COL24A1: variants seen among roughly 807,000 people sequenced by gnomAD.
The protein encoded by COL24A1 is collagen type XXIV alpha 1 chain.
Under a neutral mutation model 253.9 loss-of-function variants are expected in COL24A1, and 224 were observed. The observed-to-expected ratio is 0.88, with a 90% confidence interval of 0.79 to 0.99. The LOEUF (loss-of-function observed/expected upper bound fraction) is 0.99. Among genes scored for constraint, COL24A1 ranks in the 50% least tolerant of loss-of-function variants. The pLI is 0.00. For missense variants in COL24A1, 2,131 were observed against 2,068.5 expected (o/e 1.03, Z -0.59); for synonymous variants, 685 against 673.7 (o/e 1.02, Z -0.26).
chr1:85,874,002 C>T (rs1395231068), intron 35 of COL24A1, among the ~76,000 whole-genome samples: 2 of 152,020 alleles, frequency 1.3e-5, no homozygotes, highest in African/African-American at 4.8e-5. Flanking sequence ...CCATCTTTCC[C>T]ATTCACCCCA....
At position 85,763,794 on chromosome 1, in the gene COL24A1, C is replaced by T. The variant is rs183321855; in HGVS notation, c.4375-2228G>A. 5.5e-3 allele frequency among the ~76,000 whole-genome samples: 842 copies of T among 152,012 alleles called. 7 individuals are homozygous for T. The highest frequency in any genetic ancestry group is 0.024 in the South Asian group (114 of 4,798). Reference sequence around the variant, plus strand: ...ACAGGCATGAGCCACTGTGCCTGGCCGTCTATGTTAATTTTCTAAAGGGGA... The same window carrying T: ...ACAGGCATGAGCCACTGTGCCTGGCTGTCTATGTTAATTTTCTAAAGGGGA... On this transcript the variant is annotated intron_variant, in intron 53 of 59. Coordinates refer to ENST00000370571, the MANE Select transcript of COL24A1 (RefSeq NM_152890.7).
chr1:85,903,593 A>G (rs1249604273), intron 28 of COL24A1, among the ~76,000 whole-genome samples: 1 of 152,206 alleles, frequency 6.6e-6, no homozygotes, highest in Non-Finnish European at 1.5e-5. Context: ...TCTAATATTT[A>G]CATTCTTAGG....
chr1:85,816,859 C>T lies in COL24A1; in HGVS notation c.3880G>A (p.Gly1294Arg). Reference protein sequence around the residue: ...QGLLGPKGIQGYHGADGISGN... With the variant: ...QGLLGPKGIQRYHGADGISGN... ...GAAATGCCATCTGCTCCATGGTATC[C>T]TTGTATGCCTTTTGGCCCAAGTAGG... Residue 1294 changes from glycine to arginine, a missense_variant, in exon 47 of 60, where the codon GGA (glycine) becomes AGA (arginine). Transcript: ENST00000370571. 1 of 1,613,972 alleles carries T rather than the reference C, an allele frequency of 6.2e-7. No individual in the cohort carries two copies. Among genetic ancestry groups the T allele is most frequent in the Non-Finnish European group, 8.5e-7 (1 of 1,179,888 alleles).
intron 43 of COL24A1, among the ~76,000 whole-genome samples, chr1:85,831,909 G>T (rs1045897078): frequency 5.3e-5 from 8 of 152,022 alleles, no homozygotes; most frequent in Non-Finnish European, 1.0e-4. Context: ...TTCTTTTGCT[G>T]TGCAGAAGCT....
intron 25 of COL24A1, 49 bp from the exon 26 acceptor site, chr1:85,910,052 G>A (rs1177460105): frequency 1.9e-5 from 27 of 1,449,262 alleles, no homozygotes; most frequent in Non-Finnish European, 2.4e-5. Context: ...ATATTAATTA[G>A]TCATGACTGA....
rs116893828 is a variant in COL24A1 at position 86,113,410 on chromosome 1, C to T, written c.1546-790G>A. On this transcript the variant is annotated intron_variant, in intron 4 of 59. Coordinates refer to ENST00000370571, the MANE Select transcript of COL24A1 (RefSeq NM_152890.7). ...CTTCAGCCATACCTCCCTCTTAAGA[C>T]ATAACATATAGTTAATAATTATTTG... Among the ~76,000 whole-genome samples the T allele has an allele frequency of 9.0e-3, 1,373 of 152,228 alleles. 24 individuals carry two copies. Among genetic ancestry groups the T allele is most frequent in the East Asian group, 0.074 (382 of 5,182 alleles).
At chr1:85,919,872 T>C (rs1315980937) in intron 24 of COL24A1, among the ~76,000 whole-genome samples, 1 of 152,218 alleles carries the variant, frequency 6.6e-6, no homozygotes, top group Non-Finnish European at 1.5e-5. Flanking sequence ...ATCCTAAAAA[T>C]ACAGTGAATT....
rs944168406 is a variant in COL24A1, at chr1:85,782,544, T to C, written c.4284+952A>G. The stretch of plus-strand genomic sequence containing the variant: ...AAAGATGATGAGTTTATGTCCTTTG[T>C]AGGGACATGGATGAAGCTGGAAACC... On this transcript the variant is annotated intron_variant, in intron 51 of 59. Transcript: ENST00000370571. Among the ~76,000 whole-genome samples, 11 of 152,304 alleles carry C rather than the reference T, an allele frequency of 7.2e-5. No individual in the cohort carries two copies. In the East Asian group the frequency reaches 1.7e-3, roughly 24 times the overall value.
In COL24A1 at chr1:85,847,723, G is replaced by T; in HGVS notation, c.3404C>A (p.Pro1135His). Residue 1135 changes from proline (P) to histidine (H), a missense_variant, in exon 39 of 60, where the codon CCT (proline) becomes CAT (histidine). Transcript: ENST00000370571. ...GPTGEVGSRG[P>H]PGKIGKSGPK... ...ACCACTTTTCCCAATTTTTCCAGGA[G>T]GACCTCTGCTTCCAACTTCTCCTGT... The T allele has an allele frequency of 6.2e-7, 1 of 1,613,676 alleles. No individual in the cohort carries two copies. The highest frequency in any genetic ancestry group is 8.5e-7 in the Non-Finnish European group (1 of 1,179,782).
chr1:85,851,024 C>CATATATATATATATATATCTACAT (rs149854934), intron 37 of COL24A1, among the ~76,000 whole-genome samples: 2 of 146,054 alleles, frequency 1.4e-5, no homozygotes, highest in South Asian at 2.1e-4. Context: ...TATATATCTA[C>CATATATATATATATATATCTACAT]ATATATATAT....
intron 59 of COL24A1, among the ~76,000 whole-genome samples, chr1:85,733,776 C>T (rs944142720): frequency 2.0e-5 from 3 of 151,278 alleles, no homozygotes; most frequent in African/African-American, 4.9e-5. Flanking sequence ...GACGGAGTTT[C>T]TCCATGTTGG....
intron 50 of COL24A1, among the ~76,000 whole-genome samples, 178 bp downstream of exon 50, chr1:85,783,935 C>T (rs925862933): frequency 3.7e-4 from 57 of 152,034 alleles, no homozygotes; most frequent in Admixed American, 2.0e-3. Context: ...ACTAAAATTT[C>T]TGGGAAAATG....
chr1:85,745,602 A>G (rs1665129646), intron 55 of COL24A1, 96 bp from the exon 56 acceptor site: 1 of 820,298 alleles, frequency 1.2e-6, no homozygotes, highest in South Asian at 2.0e-5. Flanking sequence ...CTGTTAAAGT[A>G]TACCAGACTT....
At chr1:85,815,603 T>C (rs776111725) in intron 47 of COL24A1, among the ~76,000 whole-genome samples, 7 of 152,118 alleles carry the variant, frequency 4.6e-5, no homozygotes, top group Non-Finnish European at 1.0e-4. Context: ...TATCATTTCA[T>C]TTTTTTAAAC....
At chr1:86,076,923 A>G (rs1702294872) in intron 7 of COL24A1, among the ~76,000 whole-genome samples, 1 of 152,254 alleles carries the variant, frequency 6.6e-6, no homozygotes, top group South Asian at 2.1e-4. Context: ...CATTCTGGAC[A>G]TAGGCATGGG....
intron 28 of COL24A1, among the ~76,000 whole-genome samples, chr1:85,904,411 C>T (rs1558598666): frequency 6.6e-6 from 1 of 152,132 alleles, no homozygotes; most frequent in Non-Finnish European, 1.5e-5. Flanking sequence ...CCATGTGCAG[C>T]TGATGTTGTG....
intron 45 of COL24A1, among the ~76,000 whole-genome samples, chr1:85,820,411 G>A (rs759258290): frequency 2.0e-5 from 3 of 152,190 alleles, no homozygotes; most frequent in Admixed American, 6.5e-5. Flanking sequence ...ATGGCCCTGA[G>A]AGGCCTGAGG....
At chr1:85,839,931 A>C (rs562477326) in intron 42 of COL24A1, among the ~76,000 whole-genome samples, 1 of 152,332 alleles carries the variant, frequency 6.6e-6, no homozygotes, top group East Asian at 1.9e-4. Context: ...AGGACCTACC[A>C]TCTGAACAAA....
rs1379384060 is a variant in COL24A1 at position 85,847,671 on chromosome 1, A to T, written c.3456T>A (p.Gly1152=). 1.2e-6 allele frequency: 2 copies of T among 1,612,348 alleles called. No homozygotes were observed. Among genetic ancestry groups the T allele is most frequent in the South Asian group, 2.2e-5 (2 of 90,886 alleles). The stretch of plus-strand genomic sequence containing the variant: ...AAGCAAGTCAAATACTGACCACAGC[A>T]CCTCTAGTTCCTCTGGCACCCTTAG... ...SGPKGARGTR[G]AVGHLGLMGP... Residue 1152 remains glycine, a synonymous_variant, in exon 39 of 60, where the codon GGT becomes GGA. Transcript: ENST00000370571.
Sources: gnomAD v4.1 joint callset for allele counts (sites outside exome capture counted in the v4.1 genomes callset) on GRCh38, gnomAD v4.1.1 for gene constraint, MANE v1.5 for transcripts, NCBI Gene and HGNC (gene_info 2026-07-23, HGNC 2026-07-21) for gene names.